The following RCC1 variants were observed in gnomAD, a reference collection of about 807,000 sequenced individuals.
RCC1 encodes the protein regulator of chromosome condensation.
A neutral mutation model predicts 44.4 loss-of-function variants in RCC1; 11 were observed. The observed-to-expected ratio is 0.25, with a 90% confidence interval of 0.16 to 0.41. The LOEUF is 0.41. Ranked by LOEUF, RCC1 falls within the 10% of genes least tolerant of loss-of-function variation. The probability of loss-of-function intolerance (pLI) is 1.00; values close to 1 mark genes in which losing one functional copy is unlikely to be tolerated. For missense variants in RCC1, 386 were observed against 547.1 expected (o/e 0.71, Z 2.94); for synonymous variants, 213 against 216.5 (o/e 0.98, Z 0.14).
At position 28,514,171 on chromosome 1, in the gene RCC1, C is replaced by T. The variant is rs187782874; in HGVS notation, c.-152-2554C>T. 5.6e-3 allele frequency among the ~76,000 whole-genome samples: 836 copies of T among 149,758 alleles called. 9 individuals carry two copies. The highest frequency in any genetic ancestry group is 0.019 in the Admixed American group (284 of 14,984). On this transcript the variant is annotated intron_variant, in intron 3 of 12. Coordinates refer to ENST00000683442, the MANE Select transcript of RCC1 (RefSeq NM_001381865.2). The stretch of plus-strand genomic sequence containing the variant: ...GACTCCGTCTCAAAAAAAAAAAAGG[C>T]GGGGCCCGGTGGCTCACGCCTGTTA...
intron 4 of RCC1, among the ~76,000 whole-genome samples, chr1:28,519,336 G>A (rs1220307782): frequency 1.3e-5 from 2 of 152,144 alleles, no homozygotes; most frequent in Non-Finnish European, 2.9e-5. Flanking sequence ...GGAACTCTGC[G>A]GGGTGGAGGA....
chr1:28,532,468 A>G, intron 7 of RCC1, 118 bp downstream of exon 7: 1 of 1,147,972 alleles, frequency 8.7e-7, no homozygotes. Context: ...ATGAAAGCCC[A>G]CAGGTAGAGC....
chr1:28,509,709 C>T (rs1429436013), intron 3 of RCC1: 1 of 152,168 alleles, frequency 6.6e-6, no homozygotes, highest in African/African-American at 2.4e-5. Context: ...TTGAAGGAAA[C>T]TAGCATGATA....
Position 28,531,105 on chromosome 1 carries a change from T to A in RCC1, c.74-698T>A, listed in dbSNP as rs779574867. The stretch of plus-strand genomic sequence containing the variant: ...TTAGCCTTGCGCGGTGGCGCGCGCC[T>A]GTAGTCCCAGCTACTCAGGAGGCTG... On this transcript the variant is annotated intron_variant, in intron 5 of 12. Transcript: ENST00000683442. Among the ~76,000 whole-genome samples, 169 of 152,056 alleles carry A rather than the reference T, an allele frequency of 1.1e-3. 5 individuals are homozygous for A. The highest frequency in any genetic ancestry group is 3.4e-4 in the Non-Finnish European group (23 of 68,016).
chr1:28,530,785 C>T (rs1664102517), intron 5 of RCC1, among the ~76,000 whole-genome samples: 1 of 152,066 alleles, frequency 6.6e-6, no homozygotes, highest in African/African-American at 2.4e-5. Context: ...ATGCCGCTGT[C>T]CGCTCTTCCT....
intron 4 of RCC1, among the ~76,000 whole-genome samples, chr1:28,517,096 G>C (rs1304195460): frequency 6.6e-6 from 1 of 151,894 alleles, no homozygotes; most frequent in Non-Finnish European, 1.5e-5. Context: ...ACTCCAGCCC[G>C]GGTGACAAGA....
intron 3 of RCC1, among the ~76,000 whole-genome samples, chr1:28,514,226 G>A (rs534296462): frequency 7.6e-4 from 115 of 151,870 alleles, no homozygotes; most frequent in African/African-American, 2.4e-3. Flanking sequence ...CGAGGCGGGC[G>A]GATCACGAGA....
intron 5 of RCC1, chr1:28,530,694 G>A: frequency 8.0e-7 from 1 of 1,254,780 alleles, no homozygotes; most frequent in Non-Finnish European, 1.1e-6. Flanking sequence ...GGGAGGGGCT[G>A]GGCGCCATTG....
At chr1:28,530,482 G>A (rs1050103970) in intron 5 of RCC1, 2 of 1,551,356 alleles carry the variant, frequency 1.3e-6, no homozygotes, top group Non-Finnish European at 1.7e-6. Context: ...ACTGGGAGGG[G>A]AAGTGTGGAC....
chr1:28,506,063 C>T lies in RCC1; in HGVS notation c.-283C>T, dbSNP rs1275569701. 2.2e-6 allele frequency: 1 copy of T among 455,966 alleles called. No individual in the cohort carries two copies. The highest frequency in any genetic ancestry group is 4.4e-6 in the Non-Finnish European group (1 of 226,804). 28.2% of individuals were successfully genotyped at this position (455,966 alleles called of 1,614,324 possible). On this transcript the variant is annotated 5_prime_UTR_variant, in exon 1 of 13. Transcript: ENST00000683442. ...TCTCTCCTTTTTGGAGACAGATTCG[C>T]AGTGGTCGCTTCTTCTCCTTGGTAA...
chr1:28,518,695 G>C (rs990678823), intron 4 of RCC1: 1 of 151,972 alleles, frequency 6.6e-6, no homozygotes, highest in Non-Finnish European at 1.5e-5. Flanking sequence ...GGTTTTGTCC[G>C]GCATGCGCTT....
intron 4 of RCC1, among the ~76,000 whole-genome samples, chr1:28,520,458 C>T (rs1663199929): frequency 6.6e-6 from 1 of 152,184 alleles, no homozygotes; most frequent in South Asian, 2.1e-4. Context: ...TAGGGCAGCT[C>T]CAGCTCTGGT....
chr1:28,531,265 CTTTTTTT>C (rs1178899130), intron 5 of RCC1, among the ~76,000 whole-genome samples: 10 of 132,112 alleles, frequency 7.6e-5, no homozygotes, highest in Non-Finnish European at 1.3e-4. Context: ...TTTTCTTTTT[CTTTTTTT>C]TTTTTTTTTT....
rs1318141426 is a variant in RCC1, at chr1:28,536,752, G to T, written c.943G>T (p.Ala315Ser). Residue 315 changes from alanine to serine, a missense_variant, in exon 12 of 13, where the codon GCA becomes TCA. Physicochemically the swap from Ala to Ser is moderately conservative, Grantham distance 99. Transcript: ENST00000683442. This position sits in a 1 kb window ranked among gnomAD's most constrained non-coding sequence, Gnocchi z 4.9. ...CTCTCTCCCTCCTCCCATAGGAAAAGCATACAGCCTGGGCCGGGCTGAGTA... is the reference window on the plus strand; with the variant it reads ...CTCTCTCCCTCCTCCCATAGGAAAATCATACAGCCTGGGCCGGGCTGAGTA... ...HTVCMDSEGKAYSLGRAEYGR... is the reference protein window; with the variant it reads ...HTVCMDSEGKSYSLGRAEYGR... The T allele has an allele frequency of 6.2e-7, 1 of 1,613,932 alleles. No individual in the cohort carries two copies. Among genetic ancestry groups the T allele is most frequent in the South Asian group, 1.1e-5 (1 of 91,072 alleles).
chr1:28,536,990 G>GCTCCCCCGAGAGT lies in RCC1; in HGVS notation c.1090+91_1090+92insCTCCCCCGAGAGT. 1 of 1,411,828 alleles carries GCTCCCCCGAGAGT rather than the reference G, an allele frequency of 7.1e-7. No homozygotes were observed. The allele number at this position is 1,411,828 out of a possible 1,614,324, so 87.5% of individuals were successfully genotyped here. A position where few individuals can be genotyped will look rare whatever the true frequency, so the allele number is the denominator to read the frequency against. On this transcript the variant is annotated intron_variant, in intron 12 of 12. Coordinates refer to ENST00000683442, the MANE Select transcript of RCC1 (RefSeq NM_001381865.2). This position sits in a 1 kb window ranked among gnomAD's most constrained non-coding sequence, Gnocchi z 4.9. ...CAATAGGCTGTGATGTCCACTCTCG[G>GCTCCCCCGAGAGT]GGGAGCCGAGGTACAGAGAGCAGTG...
At chr1:28,529,064 G>T (rs373049839) in intron 4 of RCC1, among the ~76,000 whole-genome samples, 2 of 144,734 alleles carry the variant, frequency 1.4e-5, no homozygotes, top group Admixed American at 7.1e-5. Flanking sequence ...TGGTGGCGAC[G>T]GGGTTTCACC....
At position 28,532,213 on chromosome 1, in the gene RCC1, G is replaced by A; in HGVS notation, c.304G>A (p.Asp102Asn). Residue 102 changes from aspartate (D) to asparagine (N), a missense_variant, in exon 7 of 13, where the codon GAC becomes AAC. Physicochemically the swap from Asp to Asn is conservative, Grantham distance 23. Transcript: ENST00000683442. ...CAATGATGAGGGTGCCCTGGGAAGG[G>A]ACACATCAGTGGAGGGCTCGGAGAT... ...GCNDEGALGR[D>N]TSVEGSEMVP... The A allele has an allele frequency of 1.2e-6, 2 of 1,613,874 alleles. No homozygotes were observed. Among genetic ancestry groups the A allele is most frequent in the Non-Finnish European group, 1.7e-6 (2 of 1,179,908 alleles).
At position 28,516,879 on chromosome 1, in the gene RCC1, T is replaced by A. The variant is rs1410153818; in HGVS notation, c.-10+12T>A. On this transcript the variant is annotated intron_variant, in intron 4 of 12. Transcript: ENST00000683442. ...GTAAACTTGGAGAGGTAAGAAACCCTGAAGACAGGGGAGTGCTTTGTGGCA... is the reference window on the plus strand; with the variant it reads ...GTAAACTTGGAGAGGTAAGAAACCCAGAAGACAGGGGAGTGCTTTGTGGCA... 2.2e-6 allele frequency: 1 copy of A among 456,418 alleles called. No individual in the cohort carries two copies. Among genetic ancestry groups the A allele is most frequent in the Non-Finnish European group, 4.4e-6 (1 of 226,926 alleles). 28.3% of individuals were successfully genotyped at this position (456,418 alleles called of 1,614,324 possible).
At position 28,531,089 on chromosome 1, in the gene RCC1, C is replaced by T. The variant is rs538390449; in HGVS notation, c.74-714C>T. Reference sequence around the variant, plus strand: ...ACTAAAATACAAAAAATTAGCCTTGCGCGGTGGCGCGCGCCTGTAGTCCCA... The same window carrying T: ...ACTAAAATACAAAAAATTAGCCTTGTGCGGTGGCGCGCGCCTGTAGTCCCA... On this transcript the variant is annotated intron_variant, in intron 5 of 12. Transcript: ENST00000683442. Among the ~76,000 whole-genome samples, 20 of 152,098 alleles carry T rather than the reference C, an allele frequency of 1.3e-4. No individual in the cohort carries two copies. The South Asian group carries it at 2.1e-3, about 16-fold the overall frequency.
Sources: gnomAD v4.1 joint callset for allele counts (sites outside exome capture counted in the v4.1 genomes callset) on GRCh38, gnomAD v4.1.1 for gene constraint, Gnocchi (gnomAD v3.1) non-coding constraint, MANE v1.5 for transcripts, NCBI Gene and HGNC (gene_info 2026-07-23, HGNC 2026-07-21) for gene names.